Variants in ACVR1 observed in about 807,000 individuals in gnomAD.
ACVR1 encodes activin receptor type-1.
A neutral mutation model predicts 57.1 loss-of-function variants in ACVR1; 38 were observed. The observed-to-expected ratio is 0.67, with a 90% CI of 0.51 to 0.87. The LOEUF (loss-of-function observed/expected upper bound fraction) is 0.87. ACVR1 is among the 40% of genes least tolerant of loss of function. ACVR1 has a pLI of 0.00. For synonymous variants in ACVR1, 212 were observed against 228.1 expected (o/e 0.93, Z 0.63); for missense variants, 463 against 638.2 (o/e 0.73, Z 2.96).
chr2:157,828,408 C>G (rs1444485312), intron 1 of ACVR1, among the ~76,000 whole-genome samples: 1 of 142,578 alleles, frequency 7.0e-6, no homozygotes, highest in Admixed American at 7.8e-5. Flanking sequence ...CGAGATCACG[C>G]CACTGCACTC....
chr2:157,828,811 G>A (rs1372187684), intron 1 of ACVR1, among the ~76,000 whole-genome samples: 1 of 152,012 alleles, frequency 6.6e-6, no homozygotes, highest in African/African-American at 2.4e-5. Context: ...CTGTCGCCCA[G>A]GCTAGAGTGC....
chr2:157,814,788 A>C (rs1687873289), intron 2 of ACVR1, among the ~76,000 whole-genome samples: 1 of 152,322 alleles, frequency 6.6e-6, no homozygotes, highest in African/African-American at 2.4e-5. Context: ...CCAGGTATTT[A>C]CTAAAAATGA....
At chr2:157,746,314 A>G (rs2105228620) in intron 9 of ACVR1, among the ~76,000 whole-genome samples, 1 of 152,340 alleles carries the variant, frequency 6.6e-6, no homozygotes, top group East Asian at 1.9e-4. Context: ...ATAACCCTTT[A>G]AAGTAGATAT....
chr2:157,768,236 G>A (rs569374832), intron 7 of ACVR1, among the ~76,000 whole-genome samples: 8 of 151,946 alleles, frequency 5.3e-5, no homozygotes, highest in African/African-American at 7.3e-5. Context: ...TTTTCCCCTC[G>A]ATGCTGCTTC....
At chr2:157,861,819 C>T (rs1050458258) in intron 1 of ACVR1, among the ~76,000 whole-genome samples, 3 of 152,176 alleles carry the variant, frequency 2.0e-5, no homozygotes, top group Non-Finnish European at 4.4e-5. Context: ...TGTAGCAGAT[C>T]TAATATACTT....
At chr2:157,865,871 G>A (rs1337673757) in intron 1 of ACVR1, among the ~76,000 whole-genome samples, 3 of 151,736 alleles carry the variant, frequency 2.0e-5, no homozygotes, top group Admixed American at 6.6e-5. Context: ...TAGATTGACT[G>A]ATTGATTTCT....
intron 1 of ACVR1, among the ~76,000 whole-genome samples, chr2:157,865,862 A>AGATAGATAGATT (rs1457935943): frequency 6.7e-6 from 1 of 149,842 alleles, no homozygotes; most frequent in Non-Finnish European, 1.5e-5. Context: ...ATAGATAGAT[A>AGATAGATAGATT]GATTGACTGA....
intron 3 of ACVR1, among the ~76,000 whole-genome samples, chr2:157,795,519 A>C (rs1025312257): frequency 6.6e-6 from 1 of 151,858 alleles, no homozygotes; most frequent in East Asian, 1.9e-4. Context: ...CACTCACTGG[A>C]TATTCCATTT....
chr2:157,796,266 C>T (rs866898674), intron 3 of ACVR1, among the ~76,000 whole-genome samples: 3 of 150,848 alleles, frequency 2.0e-5, no homozygotes, highest in African/African-American at 7.3e-5. Context: ...CATACAGAAT[C>T]GATAGCCGGC....
chr2:157,810,491 T>C (rs1333893663), intron 2 of ACVR1, among the ~76,000 whole-genome samples: 1 of 152,130 alleles, frequency 6.6e-6, no homozygotes, highest in Non-Finnish European at 1.5e-5. Context: ...TTGAGGCCTC[T>C]CCTCCCTTAA....
Position 157,856,659 on chromosome 2 carries a change from TAC to T in ACVR1, c.-183+19135_-183+19136del, listed in dbSNP as rs577361436. Among the ~76,000 whole-genome samples, 140 of 152,318 alleles carry T rather than the reference TAC, an allele frequency of 9.2e-4. 2 individuals are homozygous for T. The South Asian group carries it at 0.02, about 22-fold the overall frequency. ...TCATTTTCAGGTCCTTCCATGCACA[TAC>T]AGAGAAGGGTCCCTTTGAAGTCCAG... On this transcript the variant is annotated intron_variant, in intron 1 of 10. Coordinates refer to ENST00000434821, the MANE Select transcript of ACVR1 (RefSeq NM_001111067.4).
chr2:157,797,203 T>C (rs962554544), intron 3 of ACVR1, among the ~76,000 whole-genome samples: 6 of 152,210 alleles, frequency 3.9e-5, no homozygotes, highest in African/African-American at 1.4e-4. Context: ...AAGTATAATA[T>C]ATGTCATTAA....
intron 1 of ACVR1, among the ~76,000 whole-genome samples, chr2:157,821,158 G>T (rs1324355493): frequency 6.6e-6 from 1 of 152,168 alleles, no homozygotes; most frequent in African/African-American, 2.4e-5. Context: ...GCTAAAAACT[G>T]TTGTGTTCAA....
In ACVR1 at chr2:157,830,808, T is replaced by A. The variant is rs1038346095; in HGVS notation, c.-182-12249A>T. ...ATGGTCACTTGGACTCATGCCCCCATACAATTCCCTTGGCTAAGCTCTCAC... is the reference window on the plus strand; with the variant it reads ...ATGGTCACTTGGACTCATGCCCCCAAACAATTCCCTTGGCTAAGCTCTCAC... On this transcript the variant is annotated intron_variant, in intron 1 of 10. Transcript: ENST00000434821. Among the ~76,000 whole-genome samples, 3 of 151,694 alleles carry A rather than the reference T, an allele frequency of 2.0e-5. No homozygotes were observed. The East Asian group carries it at 5.8e-4, about 30-fold the overall frequency.
chr2:157,826,855 A>T (rs1331056844), intron 1 of ACVR1, among the ~76,000 whole-genome samples: 3 of 131,508 alleles, frequency 2.3e-5, no homozygotes, highest in African/African-American at 1.1e-4. Flanking sequence ...AAAGGAAAAG[A>T]AGAAGGAAGG....
At chr2:157,852,263 C>T (rs1042765483) in intron 1 of ACVR1, among the ~76,000 whole-genome samples, 5 of 151,884 alleles carry the variant, frequency 3.3e-5, no homozygotes, top group East Asian at 1.9e-4. Context: ...TTTGGGAGGC[C>T]GAGGCGGGTG....
intron 1 of ACVR1, among the ~76,000 whole-genome samples, chr2:157,865,821 A>AAAAAAGATAGAT (rs1553452951): frequency 1.5e-5 from 2 of 137,030 alleles, no homozygotes; most frequent in Admixed American, 1.5e-4. Flanking sequence ...AAAAAGAAAA[A>AAAAAAGATAGAT]AGATAGATAG....
intron 3 of ACVR1, among the ~76,000 whole-genome samples, chr2:157,799,136 T>G (rs1198016795): frequency 6.6e-6 from 1 of 152,076 alleles, no homozygotes; most frequent in Non-Finnish European, 1.5e-5. Context: ...CCTCAGGTGA[T>G]CCACCTGCCT....
intron 9 of ACVR1, among the ~76,000 whole-genome samples, chr2:157,749,923 C>T (rs553458513): frequency 1.3e-5 from 2 of 152,362 alleles, no homozygotes; most frequent in East Asian, 3.9e-4. Context: ...CAGTGCTGCC[C>T]CTGTCAGGGC....
Sources: allele counts gnomAD v4.1 joint callset (sites outside exome capture counted in the v4.1 genomes callset), GRCh38; gene constraint gnomAD v4.1.1; transcripts MANE v1.5; gene names NCBI Gene and HGNC (gene_info 2026-07-23, HGNC 2026-07-21).